The following PACRG variants were observed in gnomAD, a reference collection of about 807,000 sequenced individuals.
The protein encoded by PACRG is parkin coregulated.
A neutral mutation model predicts 29.7 loss-of-function variants in PACRG; 29 were observed. The ratio of observed to expected loss-of-function variants is 0.98; its 90% CI spans 0.73 to 1.33. The LOEUF (loss-of-function observed/expected upper bound fraction) is 1.33, where lower values mean the gene tolerates loss of function less well. Among genes scored for constraint, PACRG ranks in the 40% most tolerant of loss-of-function variants. The pLI is 0.00. For synonymous variants in PACRG, 116 were observed against 118.7 expected, an observed-to-expected ratio of 0.98 and a Z score of 0.15; for missense variants, 279 against 316.2, an observed-to-expected ratio of 0.88 and a Z score of 0.89.
chr6:162,876,012 G>A (rs576820498), intron 2 of PACRG, among the ~76,000 whole-genome samples: 79 of 152,222 alleles, frequency 5.2e-4, no homozygotes, highest in Non-Finnish European at 9.6e-4. Context: ...AGATAGAGCC[G>A]AAGATTACAA....
At chr6:162,840,110 GTT>G (rs1170054988) in intron 2 of PACRG, among the ~76,000 whole-genome samples, 1 of 98,830 alleles carries the variant, frequency 1.0e-5, no homozygotes, top group Non-Finnish European at 2.0e-5. Context: ...CTTTAAAGTA[GTT>G]TTTTCCAATT....
chr6:163,300,798 G>A (rs918420948), intron 4 of PACRG, among the ~76,000 whole-genome samples: 69 of 88,900 alleles, frequency 7.8e-4, no homozygotes, highest in African/African-American at 4.0e-3. Flanking sequence ...AATAAAATCT[G>A]CTTCCTCCCA....
intron 2 of PACRG, among the ~76,000 whole-genome samples, chr6:162,951,808 C>T (rs1043435412): frequency 7.2e-5 from 11 of 152,098 alleles, no homozygotes; most frequent in Admixed American, 3.3e-4. Context: ...TTTAAAAGGG[C>T]CAGTCTGTTC....
chr6:162,774,095 G>T (rs771529003), intron 1 of PACRG, among the ~76,000 whole-genome samples: 6 of 152,156 alleles, frequency 3.9e-5, no homozygotes, highest in Non-Finnish European at 7.3e-5. Context: ...TTACATGCAC[G>T]TGGTAGATAT....
chr6:162,866,935 T>C (rs1792346890), intron 2 of PACRG, among the ~76,000 whole-genome samples: 1 of 152,194 alleles, frequency 6.6e-6, no homozygotes, highest in Non-Finnish European at 1.5e-5. Context: ...TTGACTAAAC[T>C]TCAAGAGGTG....
intron 4 of PACRG, among the ~76,000 whole-genome samples, chr6:163,246,370 A>G (rs1210192027): frequency 6.6e-6 from 1 of 152,070 alleles, no homozygotes; most frequent in African/African-American, 2.4e-5. Context: ...GGTTCTGCGC[A>G]TGGCTCCTTT....
intron 1 of PACRG, among the ~76,000 whole-genome samples, chr6:162,762,719 T>G (rs1328086225): frequency 6.6e-6 from 1 of 152,228 alleles, no homozygotes; most frequent in Admixed American, 6.5e-5. Context: ...TCTTGTTGCA[T>G]GCTAAATATA....
chr6:163,300,564 C>T (rs986158479), intron 4 of PACRG, among the ~76,000 whole-genome samples: 8 of 152,198 alleles, frequency 5.3e-5, no homozygotes, highest in Admixed American at 1.3e-4. Context: ...GGGCTGTCTC[C>T]TCGTGGCCAG....
At chr6:162,986,561 C>A (rs1584941470) in intron 2 of PACRG, among the ~76,000 whole-genome samples, 1 of 152,214 alleles carries the variant, frequency 6.6e-6, no homozygotes, top group African/African-American at 2.4e-5. Flanking sequence ...AAAATCAACT[C>A]AAGATAGATC....
At chr6:162,793,785 T>A (rs1348136770) in intron 1 of PACRG, among the ~76,000 whole-genome samples, 1 of 152,196 alleles carries the variant, frequency 6.6e-6, no homozygotes, top group African/African-American at 2.4e-5. Context: ...ATTTTACATG[T>A]CTGATTACGC....
intron 2 of PACRG, among the ~76,000 whole-genome samples, chr6:162,967,874 C>A (rs1296782486): frequency 2.0e-5 from 3 of 152,144 alleles, no homozygotes; most frequent in African/African-American, 4.8e-5. Flanking sequence ...GTCTATCAAA[C>A]AAAACGTTCA....
At chr6:162,885,765 C>A (rs1027946364) in intron 2 of PACRG, among the ~76,000 whole-genome samples, 1 of 151,482 alleles carries the variant, frequency 6.6e-6, no homozygotes, top group Admixed American at 6.6e-5. Flanking sequence ...TGCGTGCACA[C>A]GTGCATGTGT....
At chr6:163,048,095 C>T (rs901630992) in intron 2 of PACRG, among the ~76,000 whole-genome samples, 2 of 152,122 alleles carry the variant, frequency 1.3e-5, no homozygotes, top group African/African-American at 4.8e-5. Flanking sequence ...TCTATAGACT[C>T]TCAGGGTGTG....
chr6:163,054,658 A>G (rs1810378426), intron 2 of PACRG, among the ~76,000 whole-genome samples: 1 of 152,140 alleles, frequency 6.6e-6, no homozygotes, highest in African/African-American at 2.4e-5. Context: ...TGGGTGAAAA[A>G]GGAAGAAAAA....
At chr6:163,197,449 T>TTCTTTTCTTTTCTTTTCTTTTCTTTTC (rs1562959310) in intron 4 of PACRG, among the ~76,000 whole-genome samples, 10 of 138,784 alleles carry the variant, frequency 7.2e-5, no homozygotes, top group African/African-American at 2.9e-4. Context: ...TTTTTTTTTT[T>TTCTTTTCTTTTCTTTTCTTTTCTTTTC]TTTTTTTTTT....
chr6:163,246,796 C>T (rs1419816524), intron 4 of PACRG, among the ~76,000 whole-genome samples: 3 of 152,198 alleles, frequency 2.0e-5, no homozygotes, highest in South Asian at 2.1e-4. Flanking sequence ...AATAGAAAAC[C>T]TAGCACCAAG....
intron 2 of PACRG, among the ~76,000 whole-genome samples, chr6:162,875,022 CACAT>C (rs1171017650): frequency 1.3e-5 from 2 of 152,120 alleles, no homozygotes; most frequent in African/African-American, 4.8e-5. Flanking sequence ...TATGTATTCA[CACAT>C]ATGTATATTC....
At chr6:163,181,167 C>A (rs2128353752) in intron 4 of PACRG, among the ~76,000 whole-genome samples, 1 of 152,322 alleles carries the variant, frequency 6.6e-6, no homozygotes, top group South Asian at 2.1e-4. Flanking sequence ...ATCGCTGGAA[C>A]CAGGGTCTGA....
At chr6:162,913,122 A>T (rs750360365) in intron 2 of PACRG, among the ~76,000 whole-genome samples, 1 of 152,218 alleles carries the variant, frequency 6.6e-6, no homozygotes, top group East Asian at 1.9e-4. Flanking sequence ...ACTTCACTGA[A>T]GTATAAATGA....
Sources: allele counts gnomAD v4.1 joint callset (sites outside exome capture counted in the v4.1 genomes callset), GRCh38; gene constraint gnomAD v4.1.1; transcripts MANE v1.5; gene names NCBI Gene and HGNC (gene_info 2026-07-23, HGNC 2026-07-21).